EXT1: variants seen among roughly 807,000 people sequenced by gnomAD.
EXT1 encodes the protein exostosin-1.
Under a neutral mutation model 82.5 loss-of-function variants are expected in EXT1, and 20 were observed. The observed-to-expected ratio is 0.24, with a 90% CI of 0.17 to 0.35. EXT1 has a LOEUF of 0.35. EXT1 is among the 10% of genes least tolerant of loss of function. The pLI is 1.00. For synonymous variants in EXT1, 348 were observed against 350.8 expected (o/e 0.99, Z 0.09); for missense variants, 757 against 936.5 (o/e 0.81, Z 2.50).
chr8:117,928,689 G>A lies in EXT1; in HGVS notation c.963-91488C>T, dbSNP rs2447541. Among the ~76,000 whole-genome samples, 9 of 151,926 alleles carry A rather than the reference G, an allele frequency of 5.9e-5. No individual in the cohort carries two copies. The South Asian group carries it at 1.7e-3, about 28-fold the overall frequency. On this transcript the variant is annotated intron_variant, in intron 1 of 10. Coordinates refer to ENST00000378204, the MANE Select transcript of EXT1 (RefSeq NM_000127.3). ...GATATCACATCTAATAATTTCCACT[G>A]GATGTGATATCTGAAGCAATGACTG...
At chr8:117,958,418 C>T (rs1438169610) in intron 1 of EXT1, among the ~76,000 whole-genome samples, 2 of 152,186 alleles carry the variant, frequency 1.3e-5, no homozygotes, top group Non-Finnish European at 2.9e-5. Flanking sequence ...TGTGTCTTGT[C>T]TCACATTTGA....
chr8:118,007,726 G>A (rs1356624539), intron 1 of EXT1, among the ~76,000 whole-genome samples: 1 of 152,230 alleles, frequency 6.6e-6, no homozygotes, highest in Admixed American at 6.5e-5. Flanking sequence ...CCAGATGAGA[G>A]AAATCTTGTT....
intron 4 of EXT1, among the ~76,000 whole-genome samples, chr8:117,829,575 T>C (rs890698035): frequency 9.2e-5 from 11 of 119,262 alleles, no homozygotes; most frequent in Middle Eastern, 7.9e-3. Context: ...TTTTCTTTTT[T>C]TTTTTTTTTT....
intron 1 of EXT1, among the ~76,000 whole-genome samples, chr8:117,858,819 AGG>A (rs1486266385): frequency 7.9e-5 from 2 of 25,296 alleles, no homozygotes; most frequent in Admixed American, 3.7e-4. Flanking sequence ...GCAGGAAGGA[AGG>A]AAGGAAGGAA....
Position 117,946,146 on chromosome 8 carries a change from G to A in EXT1, c.963-108945C>T, listed in dbSNP as rs149455966. Among the ~76,000 whole-genome samples the A allele has an allele frequency of 4.6e-5, 7 of 152,256 alleles. No individual in the cohort carries two copies. The East Asian group carries it at 1.2e-3, about 25-fold the overall frequency. On this transcript the variant is annotated intron_variant, in intron 1 of 10. Transcript: ENST00000378204. ...ACTTCTGACCTCAGGTAATCTGCCC[G>A]CCTCGGCATTCCAAAGTGCTGGGAT...
intron 1 of EXT1, among the ~76,000 whole-genome samples, chr8:117,961,368 CA>C (rs531050010): frequency 2.0e-5 from 3 of 152,252 alleles, no homozygotes; most frequent in African/African-American, 7.2e-5. Flanking sequence ...GATTGGGGGA[CA>C]GGGGGATTCT....
At position 117,804,761 on chromosome 8, in the gene EXT1, C is replaced by T; in HGVS notation, c.2016G>A (p.Val672=). 1 of 1,614,132 alleles carries T rather than the reference C, an allele frequency of 6.2e-7. No homozygotes were observed. Residue 672 remains valine, a synonymous_variant, in exon 10 of 11, where the codon GTG becomes GTA. Coordinates refer to ENST00000378204, the MANE Select transcript of EXT1 (RefSeq NM_000127.3). ...SAVTKLPPIK[V]TQKKQYKETM... ...TCTCCTTATACTGCTTCTTCTGGGTCACTTTGATTGGAGGCAATTTTGTCA... is the reference window on the plus strand; with the variant it reads ...TCTCCTTATACTGCTTCTTCTGGGTTACTTTGATTGGAGGCAATTTTGTCA...
chr8:117,988,210 T>C (rs1197643546), intron 1 of EXT1, among the ~76,000 whole-genome samples: 2 of 152,258 alleles, frequency 1.3e-5, no homozygotes, highest in Admixed American at 6.5e-5. Context: ...ACTGTTATTT[T>C]TGAGGAATAA....
chr8:117,840,728 A>T (rs1812262412), intron 1 of EXT1, among the ~76,000 whole-genome samples: 1 of 152,216 alleles, frequency 6.6e-6, no homozygotes, highest in African/African-American at 2.4e-5. Flanking sequence ...AAGATAAATA[A>T]TCAAACTTTA....
intron 1 of EXT1, among the ~76,000 whole-genome samples, chr8:118,066,974 T>C (rs1432597582): frequency 6.6e-6 from 1 of 152,202 alleles, no homozygotes; most frequent in Non-Finnish European, 1.5e-5. Flanking sequence ...CGTCTGCTCA[T>C]AAATGATGAA....
intron 1 of EXT1, among the ~76,000 whole-genome samples, chr8:117,914,082 C>A (rs1163271300): frequency 6.6e-6 from 1 of 152,146 alleles, no homozygotes; most frequent in Non-Finnish European, 1.5e-5. Flanking sequence ...TTATTTTGAA[C>A]TATAATTTAT....
intron 1 of EXT1, among the ~76,000 whole-genome samples, chr8:118,100,795 G>C (rs762648895): frequency 1.3e-5 from 2 of 151,698 alleles, no homozygotes; most frequent in African/African-American, 4.8e-5. Context: ...TGCATTAATA[G>C]AGCAGTCAAC....
chr8:118,022,590 G>C (rs530300039), intron 1 of EXT1, among the ~76,000 whole-genome samples: 1 of 150,368 alleles, frequency 6.7e-6, no homozygotes, highest in Admixed American at 6.6e-5. Flanking sequence ...CACCTGCCTC[G>C]GACTCCCAAA....
At chr8:118,044,411 ATT>A (rs547940900) in intron 1 of EXT1, among the ~76,000 whole-genome samples, 120 of 145,164 alleles carry the variant, frequency 8.3e-4, no homozygotes, top group Middle Eastern at 3.6e-3. Flanking sequence ...CTTCTTTATG[ATT>A]TTTTTTTTTT....
At chr8:118,033,259 T>A (rs1046748080) in intron 1 of EXT1, among the ~76,000 whole-genome samples, 1 of 152,214 alleles carries the variant, frequency 6.6e-6, no homozygotes, top group Admixed American at 6.5e-5. Context: ...TTGTCCAACA[T>A]GCAGAAGTCT....
Position 117,867,668 on chromosome 8 carries a change from C to G in EXT1, c.963-30467G>C, listed in dbSNP as rs112164334. On this transcript the variant is annotated intron_variant, in intron 1 of 10. Transcript: ENST00000378204. ...CAAAGAGACTGTGACTCCTTCAGAT[C>G]TACCCACTTCTAAATACCTTTTTCT... Among the ~76,000 whole-genome samples the G allele has an allele frequency of 3.3e-3, 502 of 152,334 alleles. 4 individuals are homozygous for G. The highest frequency in any genetic ancestry group is 0.011 in the African/African-American group (464 of 41,576).
intron 1 of EXT1, among the ~76,000 whole-genome samples, chr8:117,964,635 T>G (rs1056368411): frequency 5.3e-5 from 8 of 150,972 alleles, no homozygotes; most frequent in Admixed American, 1.3e-4. Flanking sequence ...GTTTGTTTGT[T>G]TGTTTGTTTG....
chr8:118,016,499 AC>A (rs1586344953), intron 1 of EXT1, among the ~76,000 whole-genome samples: 1 of 152,260 alleles, frequency 6.6e-6, no homozygotes, highest in African/African-American at 2.4e-5. Context: ...TGGGATCCTG[AC>A]GTAGGAAAGC....
intron 1 of EXT1, among the ~76,000 whole-genome samples, chr8:117,974,653 G>A (rs958275702): frequency 6.6e-6 from 1 of 152,088 alleles, no homozygotes; most frequent in African/African-American, 2.4e-5. Flanking sequence ...TTTTTATAGA[G>A]ACAGGGTTTC....
Sources: allele counts gnomAD v4.1 joint callset (sites outside exome capture counted in the v4.1 genomes callset), GRCh38; gene constraint gnomAD v4.1.1; transcripts MANE v1.5; gene names NCBI Gene and HGNC (gene_info 2026-07-23, HGNC 2026-07-21).